The following PCDH10 variants were observed in gnomAD, a reference collection of about 807,000 sequenced individuals.
PCDH10 encodes protocadherin-10.
In PCDH10, 15 loss-of-function variants were observed where a neutral mutation model predicts 74.4. The observed-to-expected ratio is 0.20, with a 90% CI of 0.13 to 0.31. The LOEUF is 0.31. Among genes scored for constraint, PCDH10 ranks in the 10% least tolerant of loss-of-function variants. The pLI, the probability that PCDH10 is intolerant of heterozygous loss-of-function variation, is 1.00. For synonymous variants in PCDH10, 619 were observed against 589.8 expected (o/e 1.05, Z -0.72); for missense variants, 1,260 against 1,390.2 (o/e 0.91, Z 1.49).
chr4:133,200,585 A>G (rs1446196648), intron 2 of PCDH10, among the ~76,000 whole-genome samples: 1 of 152,190 alleles, frequency 6.6e-6, no homozygotes, highest in East Asian at 1.9e-4. Context: ...AACCTTTACT[A>G]GCAATTAATC....
chr4:133,206,709 T>A (rs189282522), intron 2 of PCDH10, among the ~76,000 whole-genome samples: 1 of 152,282 alleles, frequency 6.6e-6, no homozygotes, highest in African/African-American at 2.4e-5. Flanking sequence ...TTCACATTCA[T>A]AAAGTTTTAG....
At chr4:133,185,089 T>C (rs1331843346) in intron 4 of PCDH10, among the ~76,000 whole-genome samples, 1 of 148,556 alleles carries the variant, frequency 6.7e-6, no homozygotes, top group Non-Finnish European at 1.5e-5. Flanking sequence ...TTATTTGAAT[T>C]GATTTGAGGA....
At chr4:133,206,816 A>G (rs1447312252) in intron 2 of PCDH10, among the ~76,000 whole-genome samples, 1 of 152,202 alleles carries the variant, frequency 6.6e-6, no homozygotes, top group Non-Finnish European at 1.5e-5. Context: ...TCTTATAAGC[A>G]TAATGCAGAA....
chr4:133,166,123 A>G (rs1296089828), intron 4 of PCDH10, among the ~76,000 whole-genome samples: 13 of 151,596 alleles, frequency 8.6e-5, no homozygotes, highest in Non-Finnish European at 1.8e-4. Context: ...TATTTTTCCT[A>G]TAATGTTGTA....
chr4:133,198,004 T>TGTGTGTGTGTGTGA (rs774649175), downstream of PCDH10, among the ~76,000 whole-genome samples: 63 of 147,890 alleles, frequency 4.3e-4, no homozygotes, highest in Middle Eastern at 0.01. Context: ...TGTGTGTGTG[T>TGTGTGTGTGTGTGA]GTGATTGGGA....
At chr4:133,152,866 T>C (rs1726769982) in intron 1 of PCDH10, 95 bp downstream of exon 1, 1 of 1,538,896 alleles carries the variant, frequency 6.5e-7, no homozygotes, top group Non-Finnish European at 8.7e-7. Flanking sequence ...CTGTATCTAT[T>C]TTTAGGATAT....
At chr4:133,208,532 C>G (rs1017717450) in exon 3 of PCDH10, 3 of 152,040 alleles carry the variant, frequency 2.0e-5, no homozygotes, top group African/African-American at 7.2e-5. Flanking sequence ...ACCTTGCACA[C>G]AAAAAATCAT....
chr4:133,183,253 A>T (rs997790945), intron 4 of PCDH10, among the ~76,000 whole-genome samples: 2 of 152,128 alleles, frequency 1.3e-5, no homozygotes, highest in African/African-American at 4.8e-5. Context: ...GAGGTAGTTG[A>T]CATAGTTGCA....
intron 3 of PCDH10, among the ~76,000 whole-genome samples, chr4:133,156,167 T>G (rs1360573868): frequency 6.6e-6 from 1 of 152,182 alleles, no homozygotes; most frequent in African/African-American, 2.4e-5. Context: ...CTCTGGATGG[T>G]GCTGAGGCAG....
intron 3 of PCDH10, among the ~76,000 whole-genome samples, chr4:133,156,619 C>A (rs1207020041): frequency 2.6e-5 from 4 of 152,202 alleles, no homozygotes; most frequent in Non-Finnish European, 2.9e-5. Flanking sequence ...AACTGTCAAC[C>A]TTTTAAAACT....
chr4:133,181,824 C>T (rs1727424982), intron 4 of PCDH10, among the ~76,000 whole-genome samples: 1 of 152,030 alleles, frequency 6.6e-6, no homozygotes, highest in Admixed American at 6.6e-5. Context: ...CATTTACACA[C>T]TGTTTCTACG....
At chr4:133,204,187 C>A (rs1166675613) in intron 2 of PCDH10, among the ~76,000 whole-genome samples, 1 of 152,158 alleles carries the variant, frequency 6.6e-6, no homozygotes, top group Non-Finnish European at 1.5e-5. Context: ...AGGTGGCTAC[C>A]CTTGCCTGAA....
chr4:133,150,019 A>G lies in PCDH10; in HGVS notation c.-122A>G, dbSNP rs1312987166. On this transcript the variant is annotated 5_prime_UTR_variant, in exon 1 of 5. Transcript: ENST00000264360. Reference sequence around the variant, plus strand: ...AAGATTTTTAAAGACAGAAAGCCACAGGAGCCCCCACGTAGCGCACTTTTA... The same window carrying G: ...AAGATTTTTAAAGACAGAAAGCCACGGGAGCCCCCACGTAGCGCACTTTTA... 4 of 1,352,888 alleles carry G rather than the reference A, an allele frequency of 3.0e-6. No individual in the cohort carries two copies. The African/African-American group carries it at 4.4e-5, about 15-fold the overall frequency. The allele number at this position is 1,352,888 out of a possible 1,614,324, so 83.8% of individuals were successfully genotyped here.
At position 133,150,775 on chromosome 4, in the gene PCDH10, TA is replaced by T; in HGVS notation, c.636del (p.Gly213GlufsTer57). On this transcript the variant is annotated frameshift_variant, in exon 1 of 5. Transcript: ENST00000264360. LOFTEE classifies it high-confidence loss of function. ...TAVDGGGGGG[V>X]GEGGGGGGGA... The stretch of plus-strand genomic sequence containing the variant: ...GTGGACGGAGGAGGTGGGGGAGGAG[TA>T]GGAGAAGGAGGGGGAGGTGGCGGGG... 1 of 1,399,118 alleles carries T rather than the reference TA, an allele frequency of 7.1e-7. No individual in the cohort carries two copies. 86.7% of individuals were successfully genotyped at this position (1,399,118 alleles called of 1,614,324 possible).
chr4:133,156,029 C>T (rs1202343895), intron 3 of PCDH10, among the ~76,000 whole-genome samples: 2 of 152,142 alleles, frequency 1.3e-5, no homozygotes, highest in African/African-American at 4.8e-5. Flanking sequence ...CTTAGACTGT[C>T]TTTGGGTTCA....
At chr4:133,207,082 G>A (rs1728021699) in intron 2 of PCDH10, among the ~76,000 whole-genome samples, 1 of 150,990 alleles carries the variant, frequency 6.6e-6, no homozygotes, top group Non-Finnish European at 1.5e-5. Context: ...TACTTTTTTT[G>A]TAATATCATT....
At chr4:133,173,550 G>A (rs1010991608) in intron 4 of PCDH10, among the ~76,000 whole-genome samples, 5 of 151,880 alleles carry the variant, frequency 3.3e-5, no homozygotes, top group South Asian at 2.1e-4. Flanking sequence ...ATTTTCCCAT[G>A]AAATGCCTTT....
At chr4:133,169,259 T>A (rs1727151828) in intron 4 of PCDH10, among the ~76,000 whole-genome samples, 1 of 151,830 alleles carries the variant, frequency 6.6e-6, no homozygotes, top group African/African-American at 2.4e-5. Context: ...TTTTCTTTAT[T>A]TAATTCCTAT....
At chr4:133,195,256 C>G (rs911113163), downstream of PCDH10, among the ~76,000 whole-genome samples, 3 of 152,140 alleles carry the variant, frequency 2.0e-5, no homozygotes, top group East Asian at 1.9e-4. Flanking sequence ...AACTGATTTT[C>G]TTGAGTGCAA....
Sources: allele counts gnomAD v4.1 joint callset (sites outside exome capture counted in the v4.1 genomes callset), GRCh38; gene constraint gnomAD v4.1.1; transcripts MANE v1.5; gene names NCBI Gene and HGNC (gene_info 2026-07-23, HGNC 2026-07-21).